The following MED12L variants were observed in gnomAD, a reference collection of about 807,000 sequenced individuals.
MED12L encodes mediator of RNA polymerase II transcription subunit 12-like protein.
In MED12L, 60 loss-of-function variants were observed where a neutral mutation model predicts 281.3. The observed-to-expected ratio is 0.21, with a 90% CI of 0.17 to 0.26. MED12L has a LOEUF of 0.26. Ranked by LOEUF, MED12L falls within the 10% of genes least tolerant of loss-of-function variation. MED12L has a pLI of 1.00. For synonymous variants in MED12L, 974 were observed against 987.2 expected (o/e 0.99, Z 0.25); for missense variants, 2,146 against 2,680.9 (o/e 0.80, Z 4.41).
chr3:151,140,772 C>T (rs566110115), intron 5 of MED12L, among the ~76,000 whole-genome samples: 10 of 152,242 alleles, frequency 6.6e-5, no homozygotes, highest in South Asian at 6.2e-4. Context: ...CTCTGCCTCC[C>T]GGGTTCAAGT....
chr3:151,307,578 T>C lies in MED12L; in HGVS notation c.2251-42481T>C, dbSNP rs960362834. ...GTGTGTGTGTGTGTGTGTGTGTGTG[T>C]GTGTGTGTTTAGAGCAGATGGGGGG... On this transcript the variant is annotated intron_variant, in intron 16 of 44. Coordinates refer to ENST00000687756, the MANE Select transcript of MED12L (RefSeq NM_001393769.1). 5.5e-5 allele frequency among the ~76,000 whole-genome samples: 6 copies of C among 108,848 alleles called. No individual in the cohort carries two copies. In the East Asian group the frequency reaches 1.9e-3, roughly 34 times the overall value. The allele number at this position is 108,848 out of a possible 152,430, so 71.4% of individuals were successfully genotyped here. A position where few individuals can be genotyped will look rare whatever the true frequency, so the allele number is the denominator to read the frequency against.
chr3:151,383,333 C>G (rs2108150633), intron 33 of MED12L, among the ~76,000 whole-genome samples: 1 of 152,276 alleles, frequency 6.6e-6, no homozygotes, highest in African/African-American at 2.4e-5. Context: ...AGCCTCCTGC[C>G]CACCACTGCT....
intron 16 of MED12L, chr3:151,327,879 A>G (rs1749836971): frequency 9.2e-6 from 7 of 759,582 alleles, no homozygotes; most frequent in African/African-American, 1.7e-5. Flanking sequence ...ACACGAGGAT[A>G]ATAAAATGTA....
chr3:151,207,481 T>C (rs185972302), intron 16 of MED12L, among the ~76,000 whole-genome samples: 1 of 143,620 alleles, frequency 7.0e-6, no homozygotes, highest in East Asian at 2.2e-4. Flanking sequence ...ACACAGATAA[T>C]TGGAGTATGA....
intron 16 of MED12L, among the ~76,000 whole-genome samples, chr3:151,274,324 T>C (rs967909529): frequency 6.6e-6 from 1 of 152,218 alleles, no homozygotes; most frequent in Non-Finnish European, 1.5e-5. Flanking sequence ...TGTATCAAAC[T>C]CAGTGATAAC....
intron 16 of MED12L, among the ~76,000 whole-genome samples, chr3:151,194,032 C>T (rs1392102724): frequency 1.4e-5 from 2 of 138,094 alleles, no homozygotes; most frequent in Non-Finnish European, 3.0e-5. Context: ...GTGGCACGAT[C>T]TTGACTCACC....
At chr3:151,289,083 G>T (rs1204223753) in intron 16 of MED12L, among the ~76,000 whole-genome samples, 2 of 152,150 alleles carry the variant, frequency 1.3e-5, no homozygotes, top group Non-Finnish European at 2.9e-5. Flanking sequence ...GGAGAGAAAT[G>T]AAAAGTGATA....
Position 151,339,954 on chromosome 3 carries a change from A to T in MED12L, c.2251-10105A>T, listed in dbSNP as rs531277391. ...ATTGAAAGTACAAATAACAAATTTT[A>T]AAAAATAACTTTCGTGTAAAAGATA... is the stretch of plus-strand genomic sequence containing the variant. On this transcript the variant is annotated intron_variant, in intron 16 of 44. Transcript: ENST00000687756. Among the ~76,000 whole-genome samples, 79 of 152,290 alleles carry T rather than the reference A, an allele frequency of 5.2e-4. 1 individual carries two copies. Among genetic ancestry groups the T allele is most frequent in the African/African-American group, 1.5e-3 (62 of 41,588 alleles).
At chr3:151,294,349 T>C (rs781148826) in intron 16 of MED12L, 1 of 1,614,058 alleles carries the variant, frequency 6.2e-7, no homozygotes, top group Non-Finnish European at 8.5e-7. Flanking sequence ...ACAAGAAAAG[T>C]GTAATTTCTT....
chr3:151,246,707 A>T (rs1334141834), intron 16 of MED12L, among the ~76,000 whole-genome samples: 2 of 152,236 alleles, frequency 1.3e-5, no homozygotes, highest in African/African-American at 4.8e-5. Context: ...GGACATAGGC[A>T]TGGGAAGGAC....
chr3:151,242,521 C>G (rs796897471), intron 16 of MED12L, among the ~76,000 whole-genome samples: 1 of 150,090 alleles, frequency 6.7e-6, no homozygotes, highest in Admixed American at 6.6e-5. Flanking sequence ...ACACCTCACA[C>G]AGCAGGGTAT....
chr3:151,256,567 A>G (rs1737847409), intron 16 of MED12L, among the ~76,000 whole-genome samples: 1 of 152,080 alleles, frequency 6.6e-6, no homozygotes, highest in South Asian at 2.1e-4. Context: ...TTCCTAATGT[A>G]GGCAAAACAT....
intron 16 of MED12L, among the ~76,000 whole-genome samples, chr3:151,341,643 T>A (rs940152533): frequency 1.6e-4 from 24 of 151,898 alleles, no homozygotes; most frequent in Non-Finnish European, 2.8e-4. Context: ...TAGTTACATA[T>A]GTATACATGT....
intron 16 of MED12L, among the ~76,000 whole-genome samples, chr3:151,220,320 G>A (rs889622237): frequency 1.3e-5 from 2 of 151,994 alleles, no homozygotes; most frequent in African/African-American, 2.4e-5. Context: ...ATGGTGGTTG[G>A]ATTTGGTTCT....
At chr3:151,141,190 T>G (rs991306043) in intron 5 of MED12L, among the ~76,000 whole-genome samples, 2 of 135,108 alleles carry the variant, frequency 1.5e-5, no homozygotes, top group African/African-American at 5.7e-5. Context: ...TTTTTTTGTT[T>G]TTTTTTTTTT....
intron 16 of MED12L, among the ~76,000 whole-genome samples, chr3:151,296,634 G>T (rs150829678): frequency 6.6e-6 from 1 of 151,666 alleles, no homozygotes; most frequent in East Asian, 1.9e-4. Flanking sequence ...CCAGCCTTCT[G>T]CTTGTCCCCA....
chr3:151,378,238 G>A (rs1711572670), intron 31 of MED12L, 65 bp downstream of exon 31: 41 of 1,444,652 alleles, frequency 2.8e-5, no homozygotes, highest in Non-Finnish European at 3.7e-5. Flanking sequence ...CTCACTTCCT[G>A]TAAACCTGTG....
intron 16 of MED12L, chr3:151,329,393 G>T: frequency 1.3e-6 from 1 of 755,204 alleles, no homozygotes; most frequent in Non-Finnish European, 2.2e-6. Context: ...ATGGTTTGTA[G>T]AATATTAACT....
intron 16 of MED12L, among the ~76,000 whole-genome samples, chr3:151,247,079 G>T (rs997429734): frequency 2.0e-5 from 3 of 152,196 alleles, no homozygotes; most frequent in Non-Finnish European, 2.9e-5. Flanking sequence ...TCTCACACCA[G>T]TTAGATTGGC....
Sources: gnomAD v4.1 joint callset for allele counts (sites outside exome capture counted in the v4.1 genomes callset) on GRCh38, gnomAD v4.1.1 for gene constraint, MANE v1.5 for transcripts, NCBI Gene and HGNC (gene_info 2026-07-23, HGNC 2026-07-21) for gene names.